CMTM4: variants seen among roughly 807,000 people sequenced by gnomAD.
CMTM4 encodes the protein CKLF-like MARVEL transmembrane domain-containing protein 4.
Under a neutral mutation model 19.0 loss-of-function variants are expected in CMTM4, and 8 were observed. The observed-to-expected ratio is 0.42, with a 90% confidence interval of 0.25 to 0.76. The LOEUF (loss-of-function observed/expected upper bound fraction) is 0.76, where lower values mean the gene tolerates loss of function less well. Ranked by LOEUF, CMTM4 falls within the 30% of genes least tolerant of loss-of-function variation. CMTM4 has a pLI of 0.27. For missense variants in CMTM4, 228 were observed against 290.2 expected (o/e 0.79, Z 1.56); for synonymous variants, 106 against 121.1 (o/e 0.88, Z 0.82).
chr16:66,619,740 G>A lies in CMTM4; in HGVS notation c.*2318C>T, dbSNP rs889387647. The A allele has an allele frequency of 3.0e-6, 3 of 985,128 alleles. No individual in the cohort carries two copies. In the African/African-American group the frequency reaches 5.2e-5, roughly 17 times the overall value. 61.0% of individuals were successfully genotyped at this position (985,128 alleles called of 1,614,324 possible). On this transcript the variant is annotated 3_prime_UTR_variant, in exon 4 of 4. Coordinates refer to ENST00000394106, the MANE Select transcript of CMTM4 (RefSeq NM_181521.3). ...GAAAGCGTCCATAGCACCACTTCCG[G>A]TTCTAGTGGGAGTTAATTAAATACA...
chr16:66,601,551 G>T, the CMTM4 span, among the ~76,000 whole-genome samples: 3 of 152,204 alleles, frequency 2.0e-5, no homozygotes, highest in Non-Finnish European at 4.4e-5. Flanking sequence ...GGAGGTACAA[G>T]TTCCCACTCT....
At chr16:66,600,923 A>T in the CMTM4 span, among the ~76,000 whole-genome samples, 8 of 152,196 alleles carry the variant, frequency 5.3e-5, no homozygotes, top group African/African-American at 1.4e-4. Context: ...CATTCTGGGT[A>T]GAGGGGTCAG....
intron 2 of CMTM4, among the ~76,000 whole-genome samples, chr16:66,635,586 T>C (rs1280319206): frequency 1.3e-5 from 2 of 152,174 alleles, no homozygotes; most frequent in Non-Finnish European, 2.9e-5. Context: ...CAAGGGTAGC[T>C]GGTCTGAGGC....
chr16:66,683,286 CTTTTTTTT>C (rs781263895), intron 1 of CMTM4, among the ~76,000 whole-genome samples: 1 of 78,842 alleles, frequency 1.3e-5, no homozygotes, highest in East Asian at 4.3e-4. Context: ...TTTTTCTTTT[CTTTTTTTT>C]TTTTTTTTTT....
chr16:66,604,891 C>T, the CMTM4 span: 6 of 1,443,044 alleles, frequency 4.2e-6, no homozygotes, highest in Non-Finnish European at 5.4e-6. Context: ...GGGCTCCGCG[C>T]CCTGCTGCCG....
chr16:66,669,748 G>T (rs1042402272), intron 1 of CMTM4, among the ~76,000 whole-genome samples: 1 of 152,030 alleles, frequency 6.6e-6, no homozygotes, highest in African/African-American at 2.4e-5. Context: ...GTTTCACTGT[G>T]TTAGCCAGGA....
intron 1 of CMTM4, among the ~76,000 whole-genome samples, chr16:66,679,273 A>C (rs1003941944): frequency 6.6e-6 from 1 of 152,070 alleles, no homozygotes; most frequent in Non-Finnish European, 1.5e-5. Flanking sequence ...TCAAGTCTCA[A>C]TTTTCACTTC....
At chr16:66,604,912 T>A in the CMTM4 span, 2 of 1,477,738 alleles carry the variant, frequency 1.4e-6, no homozygotes, top group Non-Finnish European at 1.8e-6. Context: ...GCGCGGGCTT[T>A]CCTCTGCTCT....
downstream of CMTM4, chr16:66,610,943 A>G (rs2015354081): frequency 2.5e-6 from 1 of 398,440 alleles, no homozygotes; most frequent in South Asian, 1.3e-4. The surrounding 1 kb of genome is among the most constrained non-coding windows in gnomAD (Gnocchi z 4.6). Flanking sequence ...CTTGGCAAAT[A>G]TTAGGTTAGA....
At chr16:66,598,346 A>T in the CMTM4 span, among the ~76,000 whole-genome samples, 641 of 152,078 alleles carry the variant, frequency 4.2e-3, 2 homozygotes, top group African/African-American at 0.015. Flanking sequence ...TGTGCAGTTA[A>T]CTTATATACA....
chr16:66,612,732 T>C (rs2015429025), downstream of CMTM4: 3 of 1,274,162 alleles, frequency 2.4e-6, no homozygotes, highest in African/African-American at 1.5e-5. The surrounding 1 kb of genome is among the most constrained non-coding windows in gnomAD (Gnocchi z 6.0). Context: ...CCTGGACTTC[T>C]GAGTTGCAGA....
Position 66,615,753 on chromosome 16 carries a change from G to C in CMTM4, c.*6305C>G, listed in dbSNP as rs919754121. 6.6e-6 allele frequency: 1 copy of C among 152,230 alleles called. No homozygotes were observed. Among genetic ancestry groups the C allele is most frequent in the East Asian group, 1.9e-4 (1 of 5,192 alleles). The allele number at this position is 152,230 out of a possible 1,614,324, so 9.4% of individuals were successfully genotyped here. ...AGCCCAAACCACAGGGGAAGGAGCCGGACACCGGCCTCTCACCATTTTACA... is the reference window on the plus strand; with the variant it reads ...AGCCCAAACCACAGGGGAAGGAGCCCGACACCGGCCTCTCACCATTTTACA... On this transcript the variant is annotated 3_prime_UTR_variant, in exon 4 of 4. Transcript: ENST00000394106. This position sits in a 1 kb window ranked among gnomAD's most constrained non-coding sequence, Gnocchi z 4.9.
intron 1 of CMTM4, among the ~76,000 whole-genome samples, chr16:66,647,476 AG>A (rs1282571771): frequency 2.6e-5 from 4 of 152,192 alleles, no homozygotes; most frequent in African/African-American, 4.8e-5. Context: ...CATCTAAAAA[AG>A]CAATCTATGA....
In CMTM4 at chr16:66,622,850, T is replaced by C. The variant is rs149031091; in HGVS notation, c.462+554A>G. On this transcript the variant is annotated intron_variant, in intron 3 of 3. Transcript: ENST00000394106. The surrounding 1 kb of genome is among the most constrained non-coding windows in gnomAD (Gnocchi z 4.0). ...GAGTGGCACCTGGGAGAGCAGTTCG[T>C]TTAATCATTTATAAACCTTTTAATC... 2.7e-4 allele frequency among the ~76,000 whole-genome samples: 41 copies of C among 152,246 alleles called. No individual in the cohort carries two copies. The East Asian group carries it at 6.9e-3, about 26-fold the overall frequency.
intron 1 of CMTM4, among the ~76,000 whole-genome samples, chr16:66,687,292 A>C (rs1805458051): frequency 6.6e-6 from 1 of 152,138 alleles, no homozygotes; most frequent in African/African-American, 2.4e-5. Context: ...TCAGTATATG[A>C]GCTTTAAGGC....
intron 2 of CMTM4, among the ~76,000 whole-genome samples, chr16:66,630,325 CT>C (rs1206539084): frequency 6.6e-5 from 7 of 105,888 alleles, no homozygotes; most frequent in Non-Finnish European, 3.9e-5. Context: ...CCCCTCCCCC[CT>C]CCCTCTCCCT....
At chr16:66,609,710 TTTGTCA>T in the CMTM4 span, 1 of 1,551,146 alleles carries the variant, frequency 6.4e-7, no homozygotes, top group Non-Finnish European at 8.7e-7. The surrounding 1 kb of genome is among the most constrained non-coding windows in gnomAD (Gnocchi z 4.4). Flanking sequence ...TGAAAGGCTG[TTTGTCA>T]AACCAAGTTC....
chr16:66,608,081 A>G, the CMTM4 span, among the ~76,000 whole-genome samples: 2 of 152,136 alleles, frequency 1.3e-5, no homozygotes, highest in African/African-American at 2.4e-5. The surrounding 1 kb of genome is among the most constrained non-coding windows in gnomAD (Gnocchi z 5.1). Flanking sequence ...TCTGGGCTCA[A>G]GCAATCCACC....
chr16:66,618,860 A>G lies in CMTM4; in HGVS notation c.*3198T>C. On this transcript the variant is annotated 3_prime_UTR_variant, in exon 4 of 4. Coordinates refer to ENST00000394106, the MANE Select transcript of CMTM4 (RefSeq NM_181521.3). The stretch of plus-strand genomic sequence containing the variant: ...GTGAGCCTTCCTGCCAGGGGACAGT[A>G]ACAGGGCCCGAAGGGCTGGGGGTGC... 1 of 985,524 alleles carries G rather than the reference A, an allele frequency of 1.0e-6. No individual in the cohort carries two copies. The highest frequency in any genetic ancestry group is 1.2e-6 in the Non-Finnish European group (1 of 829,954). The allele number at this position is 985,524 out of a possible 1,614,324, so 61.0% of individuals were successfully genotyped here.
Sources: allele counts gnomAD v4.1 joint callset (sites outside exome capture counted in the v4.1 genomes callset), GRCh38; gene constraint gnomAD v4.1.1; non-coding constraint Gnocchi (gnomAD v3.1); transcripts MANE v1.5; gene names NCBI Gene and HGNC (gene_info 2026-07-23, HGNC 2026-07-21).